DLGAP2: variants seen among roughly 807,000 people sequenced by gnomAD.
DLGAP2 encodes DLG associated protein 2.
In DLGAP2, 26 loss-of-function variants were observed where a neutral mutation model predicts 100.3. That is an observed-to-expected ratio of 0.26 (90% CI 0.19 to 0.36). DLGAP2 has a LOEUF of 0.36. Among genes scored for constraint, DLGAP2 ranks in the 10% least tolerant of loss-of-function variants. The pLI, the probability that DLGAP2 is intolerant of heterozygous loss-of-function variation, is 1.00. For synonymous variants in DLGAP2, 886 were observed against 630.1 expected (o/e 1.41, Z -6.08); for missense variants, 1,858 against 1,453.2 (o/e 1.28, Z -4.53).
intron 6 of DLGAP2, among the ~76,000 whole-genome samples, chr8:1,618,038 A>G (rs1167471127): frequency 1.3e-5 from 2 of 152,228 alleles, no homozygotes; most frequent in Non-Finnish European, 2.9e-5. Context: ...CCGTAAGATG[A>G]GATAAAACAC....
Position 1,683,834 on chromosome 8 carries a change from CTATATATA to C in DLGAP2, c.2704+5221_2704+5228del, listed in dbSNP as rs35210879. 8.9e-4 allele frequency among the ~76,000 whole-genome samples: 50 copies of C among 56,204 alleles called. 1 individual carries two copies. Among genetic ancestry groups the C allele is most frequent in the East Asian group, 3.3e-3 (5 of 1,512 alleles). The allele number at this position is 56,204 out of a possible 152,430, so 36.9% of individuals were successfully genotyped here. A position where few individuals can be genotyped will look rare whatever the true frequency, so the allele number is the denominator to read the frequency against. ...CCTGATTTTCCTTGTCTTTGCTCCA[CTATATATA>C]TATATATATATATATGTGTGTGTGT... On this transcript the variant is annotated intron_variant, in intron 12 of 14. Coordinates refer to ENST00000637795, the MANE Select transcript of DLGAP2 (RefSeq NM_001346810.2).
intron 2 of DLGAP2, among the ~76,000 whole-genome samples, chr8:1,046,249 A>T (rs754536053): frequency 6.6e-6 from 1 of 152,200 alleles, no homozygotes; most frequent in African/African-American, 2.4e-5. Flanking sequence ...GTAATTTGGC[A>T]TAATGAAATC....
At chr8:931,093 G>T (rs1008228986) in intron 2 of DLGAP2, among the ~76,000 whole-genome samples, 4 of 151,668 alleles carry the variant, frequency 2.6e-5, no homozygotes, top group Non-Finnish European at 5.9e-5. Flanking sequence ...TTTTGCAGCT[G>T]AATAGAAACG....
intron 13 of DLGAP2, among the ~76,000 whole-genome samples, chr8:1,695,869 G>A (rs1799384681): frequency 6.6e-6 from 1 of 152,236 alleles, no homozygotes; most frequent in Admixed American, 6.5e-5. Context: ...CCCACCCACA[G>A]AGGCTGAGTT....
At chr8:740,209 A>C (rs550627855) in intron 1 of DLGAP2, 1 of 152,384 alleles carries the variant, frequency 6.6e-6, no homozygotes, top group South Asian at 2.1e-4. Flanking sequence ...CGAAGTAATT[A>C]AAAGTAAAGC....
At chr8:1,409,255 C>T (rs903525148) in intron 3 of DLGAP2, among the ~76,000 whole-genome samples, 1 of 151,086 alleles carries the variant, frequency 6.6e-6, no homozygotes, top group African/African-American at 2.4e-5. Context: ...CAGCCCTGGC[C>T]CTGAGCACAG....
intron 2 of DLGAP2, chr8:1,137,256 G>A (rs1235675787): frequency 2.6e-5 from 4 of 152,414 alleles, no homozygotes; most frequent in Non-Finnish European, 1.5e-5. Flanking sequence ...ATTGAATTAG[G>A]GTTCACTCAA....
chr8:1,344,346 A>G (rs1801507621), intron 3 of DLGAP2, among the ~76,000 whole-genome samples: 1 of 152,086 alleles, frequency 6.6e-6, no homozygotes, highest in Non-Finnish European at 1.5e-5. Flanking sequence ...TTGCCCTCAC[A>G]CCTCGCACAT....
chr8:1,264,711 A>G (rs538388476), intron 3 of DLGAP2, among the ~76,000 whole-genome samples: 2 of 152,286 alleles, frequency 1.3e-5, no homozygotes, highest in East Asian at 3.9e-4. Flanking sequence ...AGATAAACAT[A>G]CAGAAAAGAG....
At chr8:759,230 A>G (rs1821009660) in intron 1 of DLGAP2, among the ~76,000 whole-genome samples, 2 of 124,718 alleles carry the variant, frequency 1.6e-5, no homozygotes, top group Non-Finnish European at 3.3e-5. Flanking sequence ...CCTTCCTGTT[A>G]TCAATACCCG....
chr8:989,469 T>C (rs1213796739), intron 2 of DLGAP2, among the ~76,000 whole-genome samples: 1 of 152,196 alleles, frequency 6.6e-6, no homozygotes, highest in Non-Finnish European at 1.5e-5. Context: ...TCCTCTGTCC[T>C]CTACATCTGG....
At chr8:748,194 ATGGGGG>A (rs2132568034) in intron 1 of DLGAP2, among the ~76,000 whole-genome samples, 7 of 37,310 alleles carry the variant, frequency 1.9e-4, no homozygotes, top group African/African-American at 8.3e-4. Flanking sequence ...CTGCGGTGGG[ATGGGGG>A]GCTCTGCGGT....
chr8:1,082,267 G>T (rs575787751), intron 2 of DLGAP2, among the ~76,000 whole-genome samples: 2 of 152,258 alleles, frequency 1.3e-5, no homozygotes, highest in African/African-American at 4.8e-5. Context: ...TTGTTTTCAA[G>T]AAATTTTTGC....
intron 2 of DLGAP2, among the ~76,000 whole-genome samples, chr8:1,180,837 G>A (rs1327148129): frequency 6.6e-6 from 1 of 151,866 alleles, no homozygotes; most frequent in African/African-American, 2.4e-5. Context: ...TGCACGTCCT[G>A]TGCAAGGGCA....
chr8:900,320 C>T (rs991884351), intron 1 of DLGAP2, among the ~76,000 whole-genome samples: 3 of 150,224 alleles, frequency 2.0e-5, no homozygotes, highest in South Asian at 2.1e-4. Context: ...CCCTCCTCTT[C>T]ACGGTGTCGC....
chr8:1,445,043 T>C (rs1035412656), intron 3 of DLGAP2, among the ~76,000 whole-genome samples: 1 of 151,290 alleles, frequency 6.6e-6, no homozygotes, highest in Non-Finnish European at 1.5e-5. Flanking sequence ...GTGCTGGGAT[T>C]ACAGGCATGA....
intron 1 of DLGAP2, among the ~76,000 whole-genome samples, chr8:780,432 G>A (rs561386116): frequency 6.6e-6 from 1 of 152,224 alleles, no homozygotes; most frequent in African/African-American, 2.4e-5. Context: ...ATTGTGAGTA[G>A]TGACTGTGCA....
chr8:861,101 C>T (rs1261846488), intron 1 of DLGAP2, among the ~76,000 whole-genome samples: 1 of 152,102 alleles, frequency 6.6e-6, no homozygotes, highest in African/African-American at 2.4e-5. Flanking sequence ...AGGTGGGAGG[C>T]AGCCGGGACC....
At chr8:1,602,877 A>C (rs1438119410) in intron 6 of DLGAP2, among the ~76,000 whole-genome samples, 1 of 152,258 alleles carries the variant, frequency 6.6e-6, no homozygotes, top group African/African-American at 2.4e-5. Context: ...TCAGTAATAA[A>C]AAGTGAAGTG....
Sources: allele counts gnomAD v4.1 joint callset (sites outside exome capture counted in the v4.1 genomes callset), GRCh38; gene constraint gnomAD v4.1.1; transcripts MANE v1.5; gene names NCBI Gene and HGNC (gene_info 2026-07-23, HGNC 2026-07-21).